The following ASTN2 variants were observed in gnomAD, a reference collection of about 807,000 sequenced individuals.
ASTN2 encodes astrotactin 2, also known as astrotactin-2.
A neutral mutation model predicts 139.8 loss-of-function variants in ASTN2; 54 were observed. That is an observed-to-expected ratio of 0.39 (90% CI 0.31 to 0.48). ASTN2 has a LOEUF of 0.48. Ranked by LOEUF, ASTN2 falls within the 20% of genes least tolerant of loss-of-function variation. ASTN2 has a pLI of 0.95. For missense variants in ASTN2, 1,565 were observed against 1,725.1 expected, an observed-to-expected ratio of 0.91 and a Z score of 1.64; for synonymous variants, 756 against 719.5, an observed-to-expected ratio of 1.05 and a Z score of -0.81.
rs1238314178 is a variant in ASTN2 at position 117,141,493 on chromosome 9, TGGGGCTGAGGTTA to T, written c.1016-28_1016-16del. On this transcript the variant is annotated splice_polypyrimidine_tract_variant and intron_variant, in intron 3 of 22. Transcript: ENST00000313400. ...CTCAGCTGCTGCTATAAGGTAGCAA[TGGGGCTGAGGTTA>T]GGGCTTGAGCCCACCCTCAGCACCT... 7.3e-7 allele frequency: 1 copy of T among 1,365,862 alleles called. No individual in the cohort carries two copies. The highest frequency in any genetic ancestry group is 1.9e-5 in the Admixed American group (1 of 52,544). The allele number at this position is 1,365,862 out of a possible 1,614,324, so 84.6% of individuals were successfully genotyped here.
chr9:117,199,467 T>G (rs969033242), intron 3 of ASTN2, among the ~76,000 whole-genome samples: 4 of 152,198 alleles, frequency 2.6e-5, no homozygotes, highest in African/African-American at 9.7e-5. Context: ...CTCTGTTCTG[T>G]TCCATTGGTC....
chr9:117,289,497 C>T (rs1405185961), intron 2 of ASTN2, among the ~76,000 whole-genome samples: 1 of 152,138 alleles, frequency 6.6e-6, no homozygotes. Context: ...ACATTGGAGG[C>T]TCATTTATAA....
intron 3 of ASTN2, among the ~76,000 whole-genome samples, chr9:117,186,528 C>T (rs1003819677): frequency 2.0e-5 from 3 of 151,840 alleles, no homozygotes; most frequent in Admixed American, 1.3e-4. Context: ...GCCTGGGCAA[C>T]AGAGCGAGAC....
At chr9:117,268,992 G>T (rs1833998679) in intron 2 of ASTN2, among the ~76,000 whole-genome samples, 1 of 152,204 alleles carries the variant, frequency 6.6e-6, no homozygotes, top group Non-Finnish European at 1.5e-5. Context: ...TACTTCGCAT[G>T]GCTGTGGTGA....
intron 2 of ASTN2, among the ~76,000 whole-genome samples, chr9:117,272,601 G>A (rs555657499): frequency 2.6e-5 from 4 of 152,276 alleles, no homozygotes; most frequent in African/African-American, 9.6e-5. Flanking sequence ...GCTTTTAACA[G>A]CACCCAAGTC....
At chr9:116,783,247 C>T (rs999358819) in intron 13 of ASTN2, among the ~76,000 whole-genome samples, 5 of 151,464 alleles carry the variant, frequency 3.3e-5, no homozygotes, top group African/African-American at 9.7e-5. Flanking sequence ...GTCTCACAGG[C>T]AAACTCATAA....
chr9:116,925,427 C>T (rs1834726234), intron 10 of ASTN2, among the ~76,000 whole-genome samples: 1 of 152,206 alleles, frequency 6.6e-6, no homozygotes, highest in Non-Finnish European at 1.5e-5. Flanking sequence ...TGAGCTTCTT[C>T]CTGCTAGATT....
chr9:117,206,014 A>C (rs1302400617), intron 3 of ASTN2, among the ~76,000 whole-genome samples: 7 of 152,232 alleles, frequency 4.6e-5, no homozygotes, highest in Admixed American at 3.3e-4. Flanking sequence ...AAGGAGCAAG[A>C]GGTATTAGTC....
chr9:117,108,126 A>G (rs1829153035), intron 4 of ASTN2, among the ~76,000 whole-genome samples: 1 of 152,218 alleles, frequency 6.6e-6, no homozygotes, highest in Non-Finnish European at 1.5e-5. Context: ...TTAAATATCA[A>G]TAAATTGATA....
intron 10 of ASTN2, among the ~76,000 whole-genome samples, chr9:116,867,026 A>G (rs2132346425): frequency 6.6e-6 from 1 of 152,300 alleles, no homozygotes; most frequent in Middle Eastern, 3.4e-3. Flanking sequence ...CTGGAAACAG[A>G]TAAAGGGATC....
chr9:116,604,838 C>A (rs998213879), intron 19 of ASTN2, among the ~76,000 whole-genome samples: 2 of 152,098 alleles, frequency 1.3e-5, no homozygotes, highest in African/African-American at 4.8e-5. Flanking sequence ...TGAGGAGTGT[C>A]TTTTCAGTTG....
intron 1 of ASTN2, among the ~76,000 whole-genome samples, chr9:117,374,370 A>T (rs1053154067): frequency 1.9e-3 from 26 of 13,976 alleles, no homozygotes; most frequent in Admixed American, 3.6e-3. Flanking sequence ...GGGCAGGGTT[A>T]AAAAAAAAAA....
At chr9:116,660,287 C>T (rs1443562009) in intron 16 of ASTN2, among the ~76,000 whole-genome samples, 1 of 151,964 alleles carries the variant, frequency 6.6e-6, no homozygotes, top group Admixed American at 6.6e-5. Context: ...CCTAGGACAA[C>T]TGATTTCCTA....
chr9:116,484,515 G>C (rs998338376), intron 20 of ASTN2, among the ~76,000 whole-genome samples: 3 of 152,218 alleles, frequency 2.0e-5, no homozygotes, highest in South Asian at 2.1e-4. Context: ...CAAAAAATGA[G>C]AATCCCCAAG....
chr9:116,831,305 T>C (rs541147515), intron 11 of ASTN2, among the ~76,000 whole-genome samples: 18 of 152,304 alleles, frequency 1.2e-4, no homozygotes, highest in African/African-American at 3.1e-4. Flanking sequence ...ACTTCACTAC[T>C]ACACAATGTA....
intron 20 of ASTN2, among the ~76,000 whole-genome samples, chr9:116,453,319 C>T (rs376189918): frequency 1.3e-5 from 2 of 152,072 alleles, no homozygotes; most frequent in East Asian, 1.9e-4. Flanking sequence ...TAGCGCTGGG[C>T]GTGGTGGCTC....
intron 10 of ASTN2, among the ~76,000 whole-genome samples, chr9:116,964,963 G>A (rs772350620): frequency 4.6e-5 from 7 of 152,224 alleles, no homozygotes; most frequent in Non-Finnish European, 7.4e-5. Context: ...CAAAGTTATC[G>A]CTTCATTTTG....
intron 2 of ASTN2, among the ~76,000 whole-genome samples, chr9:117,224,753 C>T (rs555298052): frequency 6.6e-6 from 1 of 152,334 alleles, no homozygotes; most frequent in East Asian, 1.9e-4. Context: ...TTTGCTCATG[C>T]TCCCTCTATC....
chr9:116,557,487 T>C (rs1359217742), intron 19 of ASTN2: 2 of 152,182 alleles, frequency 1.3e-5, no homozygotes, highest in South Asian at 2.1e-4. Context: ...CACAGCATGA[T>C]ATGTAGCAGG....
Sources: gnomAD v4.1 joint callset for allele counts (sites outside exome capture counted in the v4.1 genomes callset) on GRCh38, gnomAD v4.1.1 for gene constraint, MANE v1.5 for transcripts, NCBI Gene and HGNC (gene_info 2026-07-23, HGNC 2026-07-21) for gene names.